Variants in FAM184A observed in about 807,000 individuals in gnomAD.
The protein encoded by FAM184A is protein FAM184A.
In FAM184A, 99 loss-of-function variants were observed where a neutral mutation model predicts 143.8. The ratio of observed to expected loss-of-function variants is 0.69; its 90% CI spans 0.58 to 0.81. The LOEUF (loss-of-function observed/expected upper bound fraction) is 0.81. Among genes scored for constraint, FAM184A ranks in the 40% least tolerant of loss-of-function variants. FAM184A has a pLI of 0.00. For synonymous variants in FAM184A, 427 were observed against 446.4 expected, an observed-to-expected ratio of 0.96 and a Z score of 0.55; for missense variants, 1,217 against 1,310.5, an observed-to-expected ratio of 0.93 and a Z score of 1.10.
chr6:119,059,194 G>A (rs1787126477), intron 1 of FAM184A, among the ~76,000 whole-genome samples: 1 of 151,824 alleles, frequency 6.6e-6, no homozygotes. Context: ...TGTCCAGGCT[G>A]GTCTTGAACT....
intron 1 of FAM184A, among the ~76,000 whole-genome samples, chr6:119,042,843 G>C (rs1486360573): frequency 6.6e-6 from 1 of 152,002 alleles, no homozygotes; most frequent in Admixed American, 6.6e-5. Context: ...CATGTGTGTT[G>C]GAGAAAAGGG....
At chr6:119,060,070 C>T (rs1787168961) in intron 1 of FAM184A, among the ~76,000 whole-genome samples, 1 of 152,174 alleles carries the variant, frequency 6.6e-6, no homozygotes, top group South Asian at 2.1e-4. Flanking sequence ...CCTGCTGCCT[C>T]TAAGTGTTTA....
intron 1 of FAM184A, among the ~76,000 whole-genome samples, chr6:119,059,868 A>G (rs990351044): frequency 2.0e-5 from 3 of 152,348 alleles, no homozygotes; most frequent in South Asian, 4.1e-4. Flanking sequence ...TTTTGCCAGA[A>G]AAGCACATTT....
intron 1 of FAM184A, among the ~76,000 whole-genome samples, chr6:119,109,456 C>A (rs1788872884): frequency 1.3e-5 from 2 of 152,134 alleles, no homozygotes; most frequent in Non-Finnish European, 2.9e-5. Flanking sequence ...TTCACTTTTT[C>A]TGTGAATCCT....
chr6:118,975,007 T>C lies in FAM184A; in HGVS notation c.2768+17A>G, dbSNP rs1783804673. The C allele has an allele frequency of 2.5e-6, 4 of 1,595,732 alleles. No individual in the cohort carries two copies. The highest frequency in any genetic ancestry group is 3.4e-6 in the Non-Finnish European group (4 of 1,166,658). On this transcript the variant is annotated intron_variant, in intron 13 of 17. Transcript: ENST00000338891. ...AGATGACACTGCATATTCCTTCTGT[T>C]GTACTTAATGGCATACCTTATCTGT...
At chr6:119,110,429 G>A (rs938474373) in intron 1 of FAM184A, among the ~76,000 whole-genome samples, 2 of 152,104 alleles carry the variant, frequency 1.3e-5, no homozygotes, top group African/African-American at 4.8e-5. Context: ...AAAGAACTGT[G>A]GCATACCCTC....
intron 1 of FAM184A, among the ~76,000 whole-genome samples, chr6:119,068,767 C>A (rs1219630023): frequency 1.3e-5 from 2 of 152,076 alleles, no homozygotes; most frequent in African/African-American, 4.8e-5. Flanking sequence ...ACCCGCTCTA[C>A]CCCCCAGCCA....
chr6:119,138,728 GC>G (rs1219538980), intron 1 of FAM184A, among the ~76,000 whole-genome samples: 3 of 152,130 alleles, frequency 2.0e-5, no homozygotes, highest in African/African-American at 7.2e-5. Flanking sequence ...CTGGGTTCAA[GC>G]AATTCTCCTG....
intron 9 of FAM184A, among the ~76,000 whole-genome samples, chr6:118,994,179 T>G (rs891994048): frequency 8.5e-5 from 13 of 152,162 alleles, no homozygotes; most frequent in African/African-American, 3.1e-4. Flanking sequence ...GATTGTAAGC[T>G]CCAGGAAGGC....
At chr6:119,016,436 G>A (rs990264782) in intron 5 of FAM184A, among the ~76,000 whole-genome samples, 1 of 151,874 alleles carries the variant, frequency 6.6e-6, no homozygotes. Context: ...GCAAGACCAC[G>A]AGCCCACTGG....
chr6:119,117,506 C>T (rs892062653), intron 1 of FAM184A, among the ~76,000 whole-genome samples: 3 of 152,198 alleles, frequency 2.0e-5, no homozygotes, highest in Non-Finnish European at 2.9e-5. Flanking sequence ...GCGGCCTCTT[C>T]CACTGTGGTC....
chr6:119,120,757 CT>C (rs56209201), intron 1 of FAM184A, among the ~76,000 whole-genome samples: 2,964 of 147,534 alleles, frequency 0.02, 47 homozygotes, highest in Middle Eastern at 0.082. Flanking sequence ...AAATGTATTA[CT>C]TTTTTTTTTC....
intron 1 of FAM184A, among the ~76,000 whole-genome samples, chr6:119,069,584 T>C (rs1787605501): frequency 6.6e-6 from 1 of 152,096 alleles, no homozygotes; most frequent in Non-Finnish European, 1.5e-5. Context: ...ACATGACAAG[T>C]AAAAGGGCAA....
At chr6:119,028,198 G>T (rs1364791756) in intron 1 of FAM184A, among the ~76,000 whole-genome samples, 1 of 152,160 alleles carries the variant, frequency 6.6e-6, no homozygotes, top group East Asian at 1.9e-4. Context: ...TTAGCACTCT[G>T]CAATAGGCAA....
Position 119,015,050 on chromosome 6 carries a change from C to T in FAM184A, c.1530+1697G>A, listed in dbSNP as rs1475940825. Among the ~76,000 whole-genome samples, 4 of 149,294 alleles carry T rather than the reference C, an allele frequency of 2.7e-5. No individual in the cohort carries two copies. The South Asian group carries it at 6.3e-4, about 24-fold the overall frequency. On this transcript the variant is annotated intron_variant, in intron 5 of 17. Transcript: ENST00000338891. ...CTGCACTCCAGACTGAGAGACAGAG[C>T]GAGACTCTGTCTCAAAAAAAAAAAA... is the stretch of plus-strand genomic sequence containing the variant.
chr6:118,972,084 T>G (rs1415269365), intron 14 of FAM184A, among the ~76,000 whole-genome samples: 1 of 152,162 alleles, frequency 6.6e-6, no homozygotes, highest in African/African-American at 2.4e-5. Context: ...GCTCCATAAG[T>G]TGGAACCAAC....
chr6:119,009,235 G>A (rs565722793), intron 6 of FAM184A, among the ~76,000 whole-genome samples: 65 of 152,082 alleles, frequency 4.3e-4, no homozygotes, highest in Non-Finnish European at 8.2e-4. Flanking sequence ...ATCACACTCC[G>A]TTTTTTCTGG....
chr6:119,072,182 C>G (rs1253156264), intron 1 of FAM184A, among the ~76,000 whole-genome samples: 2 of 152,112 alleles, frequency 1.3e-5, no homozygotes, highest in African/African-American at 4.8e-5. Flanking sequence ...ACCTTTAACT[C>G]TAAATCTTTA....
chr6:119,017,383 A>G (rs963371080), intron 4 of FAM184A, among the ~76,000 whole-genome samples: 4 of 152,220 alleles, frequency 2.6e-5, no homozygotes, highest in East Asian at 1.9e-4. Flanking sequence ...CTGTAGTCCC[A>G]GCTACTTGGG....
Sources: allele counts gnomAD v4.1 joint callset (sites outside exome capture counted in the v4.1 genomes callset), GRCh38; gene constraint gnomAD v4.1.1; transcripts MANE v1.5; gene names NCBI Gene and HGNC (gene_info 2026-07-23, HGNC 2026-07-21).